PECAM1: variants seen among roughly 807,000 people sequenced by gnomAD.
PECAM1 encodes the protein platelet and endothelial cell adhesion molecule 1.
A neutral mutation model predicts 13.8 loss-of-function variants in PECAM1; 8 were observed. The observed-to-expected ratio is 0.58, with a 90% CI of 0.34 to 1.05. The LOEUF (loss-of-function observed/expected upper bound fraction) is 1.05, where lower values mean the gene tolerates loss of function less well. PECAM1 is among the 50% of genes least tolerant of loss of function. The pLI, the probability that PECAM1 is intolerant of heterozygous loss-of-function variation, is 0.03. For missense variants in PECAM1, 304 were observed against 141.2 expected (o/e 2.15, Z -5.84); for synonymous variants, 136 against 52.6 (o/e 2.58, Z -6.86).
At chr17:64,325,152 G>T (rs1555645339) in intron 15 of PECAM1, among the ~76,000 whole-genome samples, 1 of 152,224 alleles carries the variant, frequency 6.6e-6, no homozygotes, top group African/African-American at 2.4e-5. Context: ...ACTTTGGGAG[G>T]CCGAGGCGGG....
chr17:64,348,715 G>C (rs1461591498), intron 12 of PECAM1, among the ~76,000 whole-genome samples: 1 of 152,192 alleles, frequency 6.6e-6, no homozygotes, highest in Non-Finnish European at 1.5e-5. Context: ...TGGGATTACA[G>C]GCATAAGCCA....
chr17:64,386,170 C>G (rs2143913328), intron 2 of PECAM1, among the ~76,000 whole-genome samples: 1 of 152,154 alleles, frequency 6.6e-6, no homozygotes, highest in South Asian at 2.1e-4. Context: ...TTCGGGAGGC[C>G]AAGACAGGTG....
chr17:64,326,007 G>T (rs1363408975), intron 15 of PECAM1, among the ~76,000 whole-genome samples: 3 of 152,218 alleles, frequency 2.0e-5, no homozygotes, highest in Non-Finnish European at 4.4e-5. Context: ...AACTGCAGAA[G>T]GGGTTCAGAG....
intron 14 of PECAM1, among the ~76,000 whole-genome samples, chr17:64,340,071 G>A (rs1212677972): frequency 2.0e-5 from 3 of 152,038 alleles, no homozygotes; most frequent in Non-Finnish European, 2.9e-5. Flanking sequence ...CTTAGGGGCC[G>A]GGGGGTGTTG....
intron 9 of PECAM1, among the ~76,000 whole-genome samples, chr17:64,354,176 A>G (rs2035797650): frequency 6.6e-6 from 1 of 152,006 alleles, no homozygotes; most frequent in Non-Finnish European, 1.5e-5. Context: ...TCCTGACCTC[A>G]AGTGATCTGC....
chr17:64,377,638 A>G (rs1055427526), intron 3 of PECAM1, 186 bp downstream of exon 3: 1 of 402,590 alleles, frequency 2.5e-6, no homozygotes, highest in Non-Finnish European at 4.4e-6. Context: ...GGAAGGAAGG[A>G]AGGGCCTGGC....
At chr17:64,360,824 G>A (rs2035957068) in intron 6 of PECAM1, among the ~76,000 whole-genome samples, 2 of 151,802 alleles carry the variant, frequency 1.3e-5, no homozygotes, top group Non-Finnish European at 2.9e-5. Flanking sequence ...ATGTGTGTGT[G>A]TGTGTGTGTG....
In PECAM1 at chr17:64,321,719, C is replaced by T; in HGVS notation, c.*2097G>A. ...GAGGCTGCGGTGAGCCATTGTTGTG[C>T]CACTGCACTCCAGCCTGGGCAACAG... is the stretch of plus-strand genomic sequence containing the variant. On this transcript the variant is annotated 3_prime_UTR_variant, in exon 16 of 16. Transcript: ENST00000563924. 9.7e-7 allele frequency: 1 copy of T among 1,034,772 alleles called. No individual in the cohort carries two copies. The highest frequency in any genetic ancestry group is 1.3e-6 in the Non-Finnish European group (1 of 794,336). 64.1% of individuals were successfully genotyped at this position (1,034,772 alleles called of 1,614,324 possible).
At chr17:64,369,712 C>T (rs952327379) in intron 5 of PECAM1, 38 bp downstream of exon 5, 9 of 398,548 alleles carry the variant, frequency 2.3e-5, no homozygotes, top group Middle Eastern at 1.3e-3. Context: ...CTCTTGAGCC[C>T]GCCATATGCC....
At chr17:64,331,882 G>A (rs2035132297) in intron 14 of PECAM1, among the ~76,000 whole-genome samples, 1 of 152,208 alleles carries the variant, frequency 6.6e-6, no homozygotes, top group Admixed American at 6.5e-5. Flanking sequence ...TCTCGAAGGT[G>A]GTGGAGGGAA....
At position 64,321,490 on chromosome 17, in the gene PECAM1, G is replaced by A; in HGVS notation, c.*2326C>T. The A allele has an allele frequency of 1.0e-6, 1 of 991,660 alleles. No homozygotes were observed. The highest frequency in any genetic ancestry group is 1.2e-6 in the Non-Finnish European group (1 of 829,264). The allele number at this position is 991,660 out of a possible 1,614,324, so 61.4% of individuals were successfully genotyped here. A position where few individuals can be genotyped will look rare whatever the true frequency, so the allele number is the denominator to read the frequency against. On this transcript the variant is annotated 3_prime_UTR_variant, in exon 16 of 16. Coordinates refer to ENST00000563924, the MANE Select transcript of PECAM1 (RefSeq NM_000442.5). Reference sequence around the variant, plus strand: ...TGTGCTCCACAGGCCGGGGGCGGTGGCTCATGCCTGCAATCCCAGCACTTT... The same window carrying A: ...TGTGCTCCACAGGCCGGGGGCGGTGACTCATGCCTGCAATCCCAGCACTTT...
At chr17:64,350,643 C>CTT (rs869084700) in intron 11 of PECAM1, among the ~76,000 whole-genome samples, 8 of 51,144 alleles carry the variant, frequency 1.6e-4, no homozygotes, top group Admixed American at 3.0e-4. Flanking sequence ...TTCTTTCTTT[C>CTT]TTTTTTTTTT....
intron 5 of PECAM1, 108 bp from the exon 6 acceptor site, chr17:64,363,505 A>G: frequency 2.1e-6 from 1 of 466,194 alleles, no homozygotes; most frequent in Middle Eastern, 6.1e-4. Flanking sequence ...CCAACTTCCA[A>G]CTTCCAGCAA....
intron 15 of PECAM1, among the ~76,000 whole-genome samples, chr17:64,327,112 T>A (rs2034979825): frequency 1.3e-5 from 2 of 152,222 alleles, no homozygotes; most frequent in South Asian, 4.1e-4. Context: ...GGGTCTCTGA[T>A]TCCTAAGTCA....
At chr17:64,350,744 C>T (rs971319558) in intron 11 of PECAM1, among the ~76,000 whole-genome samples, 4 of 151,084 alleles carry the variant, frequency 2.6e-5, no homozygotes, top group Admixed American at 6.6e-5. Flanking sequence ...CAGATTCCAG[C>T]GATTCTCCTA....
chr17:64,386,403 C>CAAAAAA (rs59994359), intron 2 of PECAM1, among the ~76,000 whole-genome samples: 1 of 113,132 alleles, frequency 8.8e-6, no homozygotes. Context: ...GAGACTCTGT[C>CAAAAAA]AAAAAAAAAA....
intron 4 of PECAM1, among the ~76,000 whole-genome samples, chr17:64,373,112 C>CAAATAAAT (rs1436473057): frequency 7.3e-4 from 104 of 142,200 alleles, no homozygotes; most frequent in East Asian, 3.8e-3. Flanking sequence ...AACTCTGTCT[C>CAAATAAAT]AAATAAATAA....
rs181572860 is a variant in PECAM1, at chr17:64,328,056, G to C, written c.2187+1644C>G. Among the ~76,000 whole-genome samples, 68 of 152,272 alleles carry C rather than the reference G, an allele frequency of 4.5e-4. 1 individual carries two copies. In the South Asian group the frequency reaches 5.8e-3, roughly 13 times the overall value. On this transcript the variant is annotated intron_variant, in intron 15 of 15. Coordinates refer to ENST00000563924, the MANE Select transcript of PECAM1 (RefSeq NM_000442.5). ...ATCAAATGACTCTATTCTTTTTTCT[G>C]GGGGGACAGGACCAGTCATGGGTGA...
In PECAM1 at chr17:64,321,124, C is replaced by T. The variant is rs2034803961; in HGVS notation, c.*2692G>A. 6.6e-6 allele frequency: 1 copy of T among 152,238 alleles called. No individual in the cohort carries two copies. Among genetic ancestry groups the T allele is most frequent in the South Asian group, 2.1e-4 (1 of 4,830 alleles). The allele number at this position is 152,238 out of a possible 1,614,324, so 9.4% of individuals were successfully genotyped here. A position where few individuals can be genotyped will look rare whatever the true frequency, so the allele number is the denominator to read the frequency against. On this transcript the variant is annotated 3_prime_UTR_variant, in exon 16 of 16. Coordinates refer to ENST00000563924, the MANE Select transcript of PECAM1 (RefSeq NM_000442.5). ...GCTGATGGGGCGACCAGTATATGCTCATGAAATGGGTGGCTGACCTCTTGG... is the reference window on the plus strand; with the variant it reads ...GCTGATGGGGCGACCAGTATATGCTTATGAAATGGGTGGCTGACCTCTTGG...
Sources: gnomAD v4.1 joint callset for allele counts (sites outside exome capture counted in the v4.1 genomes callset) on GRCh38, gnomAD v4.1.1 for gene constraint, MANE v1.5 for transcripts, NCBI Gene and HGNC (gene_info 2026-07-23, HGNC 2026-07-21) for gene names.